Variants in DACH2 observed in about 807,000 individuals in gnomAD.
DACH2 encodes dachshund homolog 2.
A neutral mutation model predicts 35.8 loss-of-function variants in DACH2; 17 were observed. The ratio of observed to expected loss-of-function variants is 0.48; its 90% CI spans 0.33 to 0.71. DACH2 has a LOEUF of 0.71. Among genes scored for constraint, DACH2 ranks in the 30% least tolerant of loss-of-function variants. The pLI is 0.02. For synonymous variants in DACH2, 195 were observed against 177.3 expected, an observed-to-expected ratio of 1.10 and a Z score of -0.79; for missense variants, 469 against 472.7, an observed-to-expected ratio of 0.99 and a Z score of 0.07.
intron 1 of DACH2, among the ~76,000 whole-genome samples, chrX:86,325,323 A>G (rs1021141506): frequency 2.7e-5 from 3 of 111,599 alleles, no homozygotes; most frequent in Non-Finnish European, 5.6e-5. Flanking sequence ...CAGAAGTTCA[A>G]GAGAAATGAG....
chrX:86,756,711 T>C (rs916561232), intron 7 of DACH2, among the ~76,000 whole-genome samples: 7 of 111,182 alleles, frequency 6.3e-5, no homozygotes, highest in Non-Finnish European at 1.3e-4. Flanking sequence ...CTTTTCAATT[T>C]GGATGACTTT....
chrX:86,260,625 C>T, intron 1 of DACH2, among the ~76,000 whole-genome samples: 1 of 112,154 alleles, frequency 8.9e-6, no homozygotes, highest in Non-Finnish European at 1.9e-5. Context: ...TTTGTTTAAT[C>T]CCTACTTAAT....
intron 11 of DACH2, chrX:86,829,331 T>A (rs2147372150): frequency 8.9e-6 from 1 of 112,045 alleles, no homozygotes; most frequent in African/African-American, 3.2e-5. Flanking sequence ...TAAATAACAG[T>A]GACAGGTGAC....
intron 1 of DACH2, among the ~76,000 whole-genome samples, chrX:86,256,861 A>G (rs2033530767): frequency 9.0e-6 from 1 of 111,584 alleles, no homozygotes; most frequent in Non-Finnish European, 1.9e-5. Context: ...GTGTGTGTGT[A>G]TATTCTTCTT....
intron 11 of DACH2, among the ~76,000 whole-genome samples, chrX:86,825,142 C>T (rs1040948445): frequency 1.9e-4 from 21 of 111,868 alleles, no homozygotes; most frequent in South Asian, 3.7e-4. Flanking sequence ...TGACCAGGTG[C>T]GGTGGCTCAC....
chrX:86,444,352 T>A (rs1327660012), intron 2 of DACH2, among the ~76,000 whole-genome samples: 2 of 111,783 alleles, frequency 1.8e-5, no homozygotes, highest in African/African-American at 6.5e-5. Context: ...GGCCTCCCAA[T>A]AGTCTAGGAC....
chrX:86,478,292 T>C (rs1381159043), intron 2 of DACH2, among the ~76,000 whole-genome samples: 1 of 111,753 alleles, frequency 8.9e-6, no homozygotes, highest in Non-Finnish European at 1.9e-5. Context: ...ACAGGTCTGG[T>C]GTTGACGAAA....
chrX:86,774,189 C>T (rs2042010754), intron 7 of DACH2, among the ~76,000 whole-genome samples: 1 of 112,053 alleles, frequency 8.9e-6, no homozygotes, highest in South Asian at 3.7e-4. Flanking sequence ...TCCCTCCCCT[C>T]CAAGAATTAT....
At chrX:86,288,159 T>C (rs1187267465) in intron 1 of DACH2, among the ~76,000 whole-genome samples, 3 of 112,471 alleles carry the variant, frequency 2.7e-5, no homozygotes, top group African/African-American at 9.7e-5. Context: ...ACCTTGATGG[T>C]CTTGGACAAG....
chrX:86,262,609 C>T (rs2033646463), intron 1 of DACH2, among the ~76,000 whole-genome samples: 1 of 104,591 alleles, frequency 9.6e-6, no homozygotes, highest in Non-Finnish European at 1.9e-5. Flanking sequence ...ATTTGAACCA[C>T]CCTGTCACAT....
At chrX:86,269,466 G>T (rs1389310284) in intron 1 of DACH2, among the ~76,000 whole-genome samples, 1 of 111,711 alleles carries the variant, frequency 9.0e-6, no homozygotes, top group East Asian at 2.8e-4. Flanking sequence ...AACATATTTG[G>T]CTTGAGCTTT....
chrX:86,300,236 A>G (rs369265882), intron 1 of DACH2, among the ~76,000 whole-genome samples: 4 of 102,651 alleles, frequency 3.9e-5, no homozygotes, highest in African/African-American at 1.1e-4. Flanking sequence ...CTTCTTTGCG[A>G]AAAAAAAAAT....
chrX:86,608,207 C>A (rs973234388), intron 3 of DACH2, among the ~76,000 whole-genome samples: 11 of 111,102 alleles, frequency 9.9e-5, no homozygotes, highest in Non-Finnish European at 2.1e-4. Context: ...CAAATCAAAA[C>A]CACAATGAGA....
chrX:86,436,981 G>A, intron 2 of DACH2, among the ~76,000 whole-genome samples: 1 of 111,073 alleles, frequency 9.0e-6, no homozygotes. Context: ...CATGAGATCT[G>A]TAATGCTGTC....
chrX:86,326,411 G>A (rs1341476331), intron 1 of DACH2, among the ~76,000 whole-genome samples: 1 of 109,186 alleles, frequency 9.2e-6, no homozygotes, highest in African/African-American at 3.4e-5. Context: ...AGGTTGTAGT[G>A]AGCCAAGACT....
chrX:86,420,170 T>A (rs2036778360), intron 2 of DACH2, among the ~76,000 whole-genome samples: 1 of 111,882 alleles, frequency 8.9e-6, no homozygotes, highest in African/African-American at 3.3e-5. Context: ...GGCTAGTCAA[T>A]CATATATACC....
intron 11 of DACH2, among the ~76,000 whole-genome samples, chrX:86,822,391 G>A (rs762297262): frequency 8.0e-5 from 9 of 112,078 alleles, no homozygotes; most frequent in African/African-American, 2.9e-4. Context: ...GTATAGCATG[G>A]TGTACTTTGT....
At chrX:86,281,826 C>A (rs2034035398) in intron 1 of DACH2, among the ~76,000 whole-genome samples, 1 of 111,825 alleles carries the variant, frequency 8.9e-6, no homozygotes, top group Non-Finnish European at 1.9e-5. Flanking sequence ...AATCAATGTG[C>A]AAAAAGCACA....
chrX:86,322,730 C>A (rs1394625353), intron 1 of DACH2, among the ~76,000 whole-genome samples: 3 of 112,184 alleles, frequency 2.7e-5, no homozygotes, highest in Non-Finnish European at 5.6e-5. Context: ...CTGGACTGAG[C>A]TTTATACTCT....
Sources: allele counts gnomAD v4.1 joint callset (sites outside exome capture counted in the v4.1 genomes callset), GRCh38; gene constraint gnomAD v4.1.1; transcripts MANE v1.5; gene names NCBI Gene and HGNC (gene_info 2026-07-23, HGNC 2026-07-21).